Variants in ATRNL1 observed in about 807,000 individuals in gnomAD.
ATRNL1 encodes attractin like 1.
A neutral mutation model predicts 182.7 loss-of-function variants in ATRNL1; 95 were observed. The observed-to-expected ratio is 0.52, with a 90% CI of 0.44 to 0.62. The LOEUF is 0.62. ATRNL1 is among the 20% of genes least tolerant of loss of function. The pLI is 0.00. For synonymous variants in ATRNL1, 576 were observed against 568.3 expected, an observed-to-expected ratio of 1.01 and a Z score of -0.19; for missense variants, 1,471 against 1,679.5, an observed-to-expected ratio of 0.88 and a Z score of 2.17.
chr10:115,481,851 A>T (rs1848785608), intron 24 of ATRNL1, among the ~76,000 whole-genome samples: 1 of 150,936 alleles, frequency 6.6e-6, no homozygotes, highest in African/African-American at 2.4e-5. Flanking sequence ...ACTATACTTG[A>T]TTTGTTTGCA....
chr10:115,472,522 T>C (rs1421895557), intron 24 of ATRNL1, among the ~76,000 whole-genome samples: 1 of 151,058 alleles, frequency 6.6e-6, no homozygotes, highest in Non-Finnish European at 1.5e-5. Context: ...ATTTCTTTCA[T>C]CAATGCTTTA....
intron 26 of ATRNL1, among the ~76,000 whole-genome samples, chr10:115,705,263 T>C (rs544370679): frequency 9.6e-4 from 146 of 152,074 alleles, no homozygotes; most frequent in African/African-American, 3.4e-3. Context: ...GCTTCTATTT[T>C]TCAAGCACAA....
At chr10:115,134,785 A>G (rs577055804) in intron 5 of ATRNL1, among the ~76,000 whole-genome samples, 2 of 152,242 alleles carry the variant, frequency 1.3e-5, no homozygotes, top group Non-Finnish European at 2.9e-5. Flanking sequence ...AAAAATCCTC[A>G]ATAAAATCCT....
At chr10:115,251,363 GTGT>G (rs1564851710) in intron 10 of ATRNL1, among the ~76,000 whole-genome samples, 3 of 152,174 alleles carry the variant, frequency 2.0e-5, no homozygotes, top group Non-Finnish European at 4.4e-5. Context: ...AATGTGGTAG[GTGT>G]TGTGCCATTT....
intron 5 of ATRNL1, among the ~76,000 whole-genome samples, chr10:115,154,724 T>G (rs1554881648): frequency 6.6e-6 from 1 of 152,124 alleles, no homozygotes; most frequent in East Asian, 1.9e-4. Flanking sequence ...TAATGTGCAG[T>G]TTAAATCCAA....
chr10:115,371,812 CA>C (rs1554948128), intron 19 of ATRNL1, among the ~76,000 whole-genome samples: 3 of 152,054 alleles, frequency 2.0e-5, no homozygotes, highest in Non-Finnish European at 2.9e-5. Flanking sequence ...TGGTAGGGGC[CA>C]GGGGCAGAAT....
chr10:115,265,554 A>G (rs1434661685), intron 11 of ATRNL1, among the ~76,000 whole-genome samples: 1 of 151,654 alleles, frequency 6.6e-6, no homozygotes, highest in Non-Finnish European at 1.5e-5. Context: ...TTCTTTTTCC[A>G]GAGATCAGAT....
At chr10:115,286,475 A>G in intron 15 of ATRNL1, 78 bp downstream of exon 15, 11 of 916,748 alleles carry the variant, frequency 1.2e-5, no homozygotes, top group Non-Finnish European at 1.7e-5. Context: ...TTTTGGTTTT[A>G]ATACATTATT....
At chr10:115,496,041 T>A (rs1554978161) in intron 24 of ATRNL1, among the ~76,000 whole-genome samples, 1 of 152,200 alleles carries the variant, frequency 6.6e-6, no homozygotes, top group Non-Finnish European at 1.5e-5. Context: ...AGTTAGTTGT[T>A]CTTTAATTGT....
intron 24 of ATRNL1, among the ~76,000 whole-genome samples, chr10:115,514,415 C>T (rs146804714): frequency 6.6e-6 from 1 of 151,744 alleles, no homozygotes. Flanking sequence ...CTGACTTTTA[C>T]TTGAAGAAGT....
chr10:115,647,534 A>G (rs1234634136), intron 26 of ATRNL1, among the ~76,000 whole-genome samples: 1 of 151,998 alleles, frequency 6.6e-6, no homozygotes, highest in Non-Finnish European at 1.5e-5. Flanking sequence ...TTTGATTTGC[A>G]TTTCTCTTAT....
intron 26 of ATRNL1, among the ~76,000 whole-genome samples, chr10:115,640,875 G>T (rs182627879): frequency 1.3e-5 from 2 of 151,926 alleles, no homozygotes; most frequent in Admixed American, 1.3e-4. Flanking sequence ...GTATTGCCTA[G>T]GTTTTCTTCT....
At chr10:115,280,319 C>T (rs1592372678) in intron 13 of ATRNL1, among the ~76,000 whole-genome samples, 1 of 152,072 alleles carries the variant, frequency 6.6e-6, no homozygotes, top group African/African-American at 2.4e-5. Context: ...CATTCAGTTA[C>T]GTTGCCTGCA....
chr10:115,283,353 G>A (rs184490222), intron 14 of ATRNL1, among the ~76,000 whole-genome samples: 72 of 152,256 alleles, frequency 4.7e-4, no homozygotes, highest in African/African-American at 1.7e-3. Flanking sequence ...GGTGGAGGTT[G>A]CAGTGAGCAG....
At chr10:115,269,791 G>T (rs1229866885) in intron 13 of ATRNL1, among the ~76,000 whole-genome samples, 1 of 152,060 alleles carries the variant, frequency 6.6e-6, no homozygotes, top group Non-Finnish European at 1.5e-5. Flanking sequence ...AAAAGGCAAA[G>T]AAAAGGGAGT....
chr10:115,438,167 T>C (rs1846496153), intron 21 of ATRNL1, among the ~76,000 whole-genome samples: 1 of 152,000 alleles, frequency 6.6e-6, no homozygotes, highest in Admixed American at 6.6e-5. Context: ...TCTTCCCAAA[T>C]AAGTTGAAAT....
intron 26 of ATRNL1, among the ~76,000 whole-genome samples, chr10:115,659,160 T>C (rs1860519144): frequency 6.6e-6 from 1 of 152,040 alleles, no homozygotes; most frequent in Non-Finnish European, 1.5e-5. Context: ...CTACACAACA[T>C]TCTCCTCTGG....
intron 20 of ATRNL1, among the ~76,000 whole-genome samples, chr10:115,415,273 A>G (rs1845334881): frequency 6.6e-6 from 1 of 151,972 alleles, no homozygotes; most frequent in African/African-American, 2.4e-5. Context: ...TTATATTTCC[A>G]TTATTATAAG....
intron 27 of ATRNL1, among the ~76,000 whole-genome samples, chr10:115,825,209 C>T (rs532588679): frequency 5.9e-5 from 9 of 152,174 alleles, no homozygotes; most frequent in Middle Eastern, 3.4e-3. Flanking sequence ...CATGTTCTCA[C>T]TCATGAGTGG....
Sources: allele counts gnomAD v4.1 joint callset (sites outside exome capture counted in the v4.1 genomes callset), GRCh38; gene constraint gnomAD v4.1.1; transcripts MANE v1.5; gene names NCBI Gene and HGNC (gene_info 2026-07-23, HGNC 2026-07-21).